Variants in CHST3 observed in about 807,000 individuals in gnomAD.
The protein encoded by CHST3 is C6ST-1.
CHST3 carries 20 observed loss-of-function variants against 35.4 expected under a neutral mutation model. The observed-to-expected ratio is 0.57, with a 90% CI of 0.40 to 0.82. The LOEUF is 0.82. Among genes scored for constraint, CHST3 ranks in the 40% least tolerant of loss-of-function variants. The pLI is 0.00. For synonymous variants in CHST3, 334 were observed against 295.9 expected, an observed-to-expected ratio of 1.13 and a Z score of -1.32; for missense variants, 693 against 670.1, an observed-to-expected ratio of 1.03 and a Z score of -0.38.
chr10:71,985,738 CAG>C (rs2131749423), intron 1 of CHST3, among the ~76,000 whole-genome samples: 1 of 152,216 alleles, frequency 6.6e-6, no homozygotes, highest in Admixed American at 6.5e-5. Flanking sequence ...ATAAATTGTA[CAG>C]AGAGGTCTCA....
chr10:71,979,054 T>C (rs2131743879), intron 1 of CHST3, among the ~76,000 whole-genome samples: 1 of 152,320 alleles, frequency 6.6e-6, no homozygotes, highest in Admixed American at 6.5e-5. Context: ...CCTTCTTTCC[T>C]TACATATTTA....
Position 72,007,812 on chromosome 10 carries a change from G to T in CHST3, c.781G>T (p.Ala261Ser), listed in dbSNP as rs772288774. 6.2e-7 allele frequency: 1 copy of T among 1,600,240 alleles called. No homozygotes were observed. Among genetic ancestry groups the T allele is most frequent in the Non-Finnish European group, 8.5e-7 (1 of 1,178,756 alleles). The change falls in exon 3 of 3, where the codon GCA (alanine) becomes TCA (serine). Residue 261 changes from alanine to serine, a missense_variant. Physicochemically the swap from Ala to Ser is moderately conservative, Grantham distance 99. Coordinates refer to ENST00000373115, the MANE Select transcript of CHST3 (RefSeq NM_004273.5). ...RCGPLNVTLA[A>S]EACRRKEHMA... ...CGGCCCCCTCAACGTGACGCTGGCC[G>T]CAGAGGCCTGCCGCCGCAAGGAGCA...
chr10:71,965,166 A>G (rs1425294991), intron 1 of CHST3, among the ~76,000 whole-genome samples: 1 of 151,994 alleles, frequency 6.6e-6, no homozygotes, highest in Non-Finnish European at 1.5e-5. Flanking sequence ...TGTGGCCAGA[A>G]CCCCGAGACC....
chr10:71,969,853 G>A (rs1488635596), intron 1 of CHST3, among the ~76,000 whole-genome samples: 3 of 152,198 alleles, frequency 2.0e-5, no homozygotes, highest in African/African-American at 7.2e-5. Flanking sequence ...CTAGAGTGGC[G>A]GCACAGAGAG....
At chr10:71,992,900 G>A (rs892355133) in intron 1 of CHST3, among the ~76,000 whole-genome samples, 2 of 151,896 alleles carry the variant, frequency 1.3e-5, no homozygotes, top group Non-Finnish European at 2.9e-5. Flanking sequence ...GATCTCAGGT[G>A]ATCCACCTGC....
rs1375450613 is a variant in CHST3 at position 72,011,774 on chromosome 10, C to T, written c.*3303C>T. 6.6e-6 allele frequency: 1 copy of T among 152,262 alleles called. No homozygotes were observed. The highest frequency in any genetic ancestry group is 2.4e-5 in the African/African-American group (1 of 41,468). The allele number at this position is 152,262 out of a possible 1,614,324, so 9.4% of individuals were successfully genotyped here. On this transcript the variant is annotated 3_prime_UTR_variant, in exon 3 of 3. Coordinates refer to ENST00000373115, the MANE Select transcript of CHST3 (RefSeq NM_004273.5). ...AGGCCTTGGTGAGACACAGCAGCGT[C>T]CAATGCTCACAGGCTGTCCCCACTC...
intron 1 of CHST3, among the ~76,000 whole-genome samples, chr10:71,976,018 G>A (rs1839741612): frequency 6.6e-6 from 1 of 152,248 alleles, no homozygotes; most frequent in Non-Finnish European, 1.5e-5. Flanking sequence ...GTTTCTTCCT[G>A]GAGGAGGGAG....
At chr10:71,970,315 A>G (rs874692) in intron 1 of CHST3, among the ~76,000 whole-genome samples, 131,602 of 152,150 alleles carry the variant, frequency 0.86, 57,209 homozygotes, top group African/African-American at 0.96. Context: ...CCTGGGCCCT[A>G]GGAAATTTAT....
intron 1 of CHST3, among the ~76,000 whole-genome samples, chr10:71,975,050 G>A (rs1839732377): frequency 6.6e-6 from 1 of 152,180 alleles, no homozygotes; most frequent in African/African-American, 2.4e-5. Context: ...TGAGAATGGT[G>A]CCTGCTGTTT....
rs61420934 is a variant in CHST3, at chr10:71,967,975, A to ATTTTTTT, written c.-108+3290_-108+3296dup. On this transcript the variant is annotated intron_variant, in intron 1 of 2. Coordinates refer to ENST00000373115, the MANE Select transcript of CHST3 (RefSeq NM_004273.5). ...AGGCGTGCACCACCATGCGTGGCTAATTTTTTTTTTTTTTTGTATTTTAGT... is the reference window on the plus strand; with the variant it reads ...AGGCGTGCACCACCATGCGTGGCTAATTTTTTTTTTTTTTTTTTTTTTGTATTTTAGT... Among the ~76,000 whole-genome samples, 1,121 of 142,038 alleles carry ATTTTTTT rather than the reference A, an allele frequency of 7.9e-3. 23 individuals are homozygous for ATTTTTTT. The highest frequency in any genetic ancestry group is 0.027 in the African/African-American group (1,037 of 38,666). The allele number at this position is 142,038 out of a possible 152,430, so 93.2% of individuals were successfully genotyped here.
At chr10:71,972,574 G>A (rs1037591303) in intron 1 of CHST3, among the ~76,000 whole-genome samples, 2 of 152,292 alleles carry the variant, frequency 1.3e-5, no homozygotes, top group African/African-American at 4.8e-5. Flanking sequence ...AGCGAGTGTG[G>A]TCTCAGTTAG....
intron 1 of CHST3, among the ~76,000 whole-genome samples, chr10:72,005,297 GTGTC>G (rs749843097): frequency 0.025 from 3,698 of 145,662 alleles, 129 homozygotes; most frequent in African/African-American, 0.085. Flanking sequence ...GTGTGTGTGT[GTGTC>G]TGTGTGTGTG....
chr10:71,995,421 CAAAAAAAA>C (rs35954993), intron 1 of CHST3, among the ~76,000 whole-genome samples: 1 of 120,226 alleles, frequency 8.3e-6, no homozygotes, highest in African/African-American at 3.2e-5. Flanking sequence ...GAGTCTGTCT[CAAAAAAAA>C]AAAAAAAAAA....
chr10:71,976,127 G>T (rs1228724338), intron 1 of CHST3, among the ~76,000 whole-genome samples: 1 of 152,186 alleles, frequency 6.6e-6, no homozygotes, highest in East Asian at 1.9e-4. Flanking sequence ...GGCTCTTTGT[G>T]GTTCGGGAAA....
chr10:71,970,040 C>G (rs1249305157), intron 1 of CHST3, among the ~76,000 whole-genome samples: 4 of 152,222 alleles, frequency 2.6e-5, no homozygotes, highest in Non-Finnish European at 4.4e-5. Flanking sequence ...CGCGTGGACT[C>G]CACAGCGGGG....
chr10:72,000,478 C>T (rs531293207), intron 1 of CHST3, among the ~76,000 whole-genome samples: 1 of 152,144 alleles, frequency 6.6e-6, no homozygotes, highest in African/African-American at 2.4e-5. Context: ...TACTCCAGAG[C>T]TGGGGGGGCA....
Position 72,008,545 on chromosome 10 carries a change from C to G in CHST3, c.*74C>G. On this transcript the variant is annotated 3_prime_UTR_variant, in exon 3 of 3. Transcript: ENST00000373115. ...TTTCTGCCGCAGCCCTCGCAGAGGGCGGGTGCACAGCGCCATGAGCGGGCA... is the reference window on the plus strand; with the variant it reads ...TTTCTGCCGCAGCCCTCGCAGAGGGGGGGTGCACAGCGCCATGAGCGGGCA... The G allele has an allele frequency of 1.4e-6, 2 of 1,448,468 alleles. No individual in the cohort carries two copies. The highest frequency in any genetic ancestry group is 1.8e-6 in the Non-Finnish European group (2 of 1,101,830). The allele number at this position is 1,448,468 out of a possible 1,614,324, so 89.7% of individuals were successfully genotyped here.
At chr10:71,991,420 A>G (rs1839895578) in intron 1 of CHST3, among the ~76,000 whole-genome samples, 1 of 152,146 alleles carries the variant, frequency 6.6e-6, no homozygotes, top group African/African-American at 2.4e-5. Context: ...AAATATTCAT[A>G]GGGGATTATG....
At chr10:71,964,795 T>C (rs891710725) in intron 1 of CHST3, 101 bp downstream of exon 1, 5 of 151,966 alleles carry the variant, frequency 3.3e-5, no homozygotes, top group African/African-American at 9.7e-5. Context: ...CGCCAGACTT[T>C]GGAGGGAGAA....
Sources: allele counts gnomAD v4.1 joint callset (sites outside exome capture counted in the v4.1 genomes callset), GRCh38; gene constraint gnomAD v4.1.1; transcripts MANE v1.5; gene names NCBI Gene and HGNC (gene_info 2026-07-23, HGNC 2026-07-21).